The following CDK13 variants were observed in gnomAD, a reference collection of about 807,000 sequenced individuals.
The protein encoded by CDK13 is cyclin-dependent kinase 13.
In CDK13, 40 loss-of-function variants were observed where a neutral mutation model predicts 137.6. The ratio of observed to expected loss-of-function variants is 0.29; its 90% confidence interval spans 0.23 to 0.38. The LOEUF (loss-of-function observed/expected upper bound fraction) is 0.38. Among genes scored for constraint, CDK13 ranks in the 10% least tolerant of loss-of-function variants. CDK13 has a pLI of 1.00. For synonymous variants in CDK13, 869 were observed against 760.1 expected, an observed-to-expected ratio of 1.14 and a Z score of -2.36; for missense variants, 1,704 against 1,951.8, an observed-to-expected ratio of 0.87 and a Z score of 2.39.
At position 39,996,983 on chromosome 7, in the gene CDK13, A is replaced by AAAG. The variant is rs1554326371; in HGVS notation, c.1872-509_1872-508insGAA. Among the ~76,000 whole-genome samples the AAAG allele has an allele frequency of 7.0e-4, 99 of 141,454 alleles. 5 individuals carry two copies. Among genetic ancestry groups the AAAG allele is most frequent in the African/African-American group, 2.9e-3 (97 of 33,552 alleles). The allele number at this position is 141,454 out of a possible 152,430, so 92.8% of individuals were successfully genotyped here. A position where few individuals can be genotyped will look rare whatever the true frequency, so the allele number is the denominator to read the frequency against. The stretch of plus-strand genomic sequence containing the variant: ...TCTCAAAAAAAAAAAAAAAGAAAAA[A>AAAG]AAAAAGAAAAATGCTTTGCAAAACT... On this transcript the variant is annotated intron_variant, in intron 2 of 13. Coordinates refer to ENST00000181839, the MANE Select transcript of CDK13 (RefSeq NM_003718.5).
At chr7:39,996,984 A>AG (rs1554326373) in intron 2 of CDK13, among the ~76,000 whole-genome samples, 1 of 138,352 alleles carries the variant, frequency 7.2e-6, no homozygotes, top group African/African-American at 3.4e-5. Context: ...AAAGAAAAAA[A>AG]AAAAGAAAAA....
At chr7:40,056,623 A>G (rs769302391) in intron 7 of CDK13, among the ~76,000 whole-genome samples, 2 of 152,246 alleles carry the variant, frequency 1.3e-5, no homozygotes, top group African/African-American at 4.8e-5. Flanking sequence ...GCACTTTGGA[A>G]AGTGGTTTGG....
intron 1 of CDK13, among the ~76,000 whole-genome samples, chr7:39,982,236 A>G (rs1198995815): frequency 4.7e-5 from 7 of 148,538 alleles, no homozygotes; most frequent in African/African-American, 7.5e-5. Context: ...TCATTGTTCA[A>G]TTCCCACTTA....
At chr7:40,066,242 A>G (rs1035352227) in intron 9 of CDK13, among the ~76,000 whole-genome samples, 49 of 152,230 alleles carry the variant, frequency 3.2e-4, no homozygotes, top group African/African-American at 1.2e-3. Flanking sequence ...TCTTTGATAA[A>G]TTATTACACA....
At chr7:40,000,251 C>G (rs2116321695) in intron 4 of CDK13, among the ~76,000 whole-genome samples, 1 of 152,268 alleles carries the variant, frequency 6.6e-6, no homozygotes, top group Non-Finnish European at 1.5e-5. Flanking sequence ...TGGCACATGC[C>G]TGTAAACCCA....
intron 9 of CDK13, among the ~76,000 whole-genome samples, chr7:40,073,855 G>A (rs1182317695): frequency 1.3e-5 from 2 of 150,224 alleles, no homozygotes; most frequent in Non-Finnish European, 3.0e-5. Flanking sequence ...CTCCTAAAGT[G>A]CTGGGATTAC....
At chr7:40,064,849 T>TG (rs1229858492) in intron 9 of CDK13, among the ~76,000 whole-genome samples, 1 of 150,984 alleles carries the variant, frequency 6.6e-6, no homozygotes, top group African/African-American at 2.4e-5. Context: ...TGGAGTGCAT[T>TG]GGGGCAGTCA....
At chr7:40,024,645 G>GGTTTTTTTT (rs1785202598) in intron 5 of CDK13, among the ~76,000 whole-genome samples, 2 of 50,264 alleles carry the variant, frequency 4.0e-5, no homozygotes, top group African/African-American at 1.7e-4. Context: ...GTAGCTCTGT[G>GGTTTTTTTT]TTTTTTTTTT....
In CDK13 at chr7:40,003,202, A is replaced by ACTCT. The variant is rs1334115140; in HGVS notation, c.2353+1172_2353+1173insTCTC. On this transcript the variant is annotated intron_variant, in intron 5 of 13. Transcript: ENST00000181839. The stretch of plus-strand genomic sequence containing the variant: ...CACACACACACACACACACACACAC[A>ACTCT]CACACTCTCTCTCTCTCTCTCTCTT... Among the ~76,000 whole-genome samples, 577 of 80,964 alleles carry ACTCT rather than the reference A, an allele frequency of 7.1e-3. 5 individuals carry two copies. Among genetic ancestry groups the ACTCT allele is most frequent in the African/African-American group, 0.018 (403 of 22,412 alleles). The allele number at this position is 80,964 out of a possible 152,430, so 53.1% of individuals were successfully genotyped here.
chr7:40,072,540 G>C (rs1306115167), intron 9 of CDK13: 1 of 152,178 alleles, frequency 6.6e-6, no homozygotes, highest in Non-Finnish European at 1.5e-5. Flanking sequence ...ATCATGTTAA[G>C]GTGCTGGTAG....
chr7:40,046,798 TCAA>T (rs1444344487), intron 6 of CDK13, among the ~76,000 whole-genome samples: 1 of 151,840 alleles, frequency 6.6e-6, no homozygotes, highest in African/African-American at 2.4e-5. Flanking sequence ...GGCCAGGAGT[TCAA>T]GACCAGCCTG....
At chr7:39,954,460 A>T (rs1787342625) in intron 1 of CDK13, among the ~76,000 whole-genome samples, 3 of 152,210 alleles carry the variant, frequency 2.0e-5, no homozygotes, top group African/African-American at 4.8e-5. Context: ...CCATGAAGGC[A>T]ACTGGGCTGT....
chr7:39,954,760 C>A (rs926697473), intron 1 of CDK13, among the ~76,000 whole-genome samples: 1 of 152,068 alleles, frequency 6.6e-6, no homozygotes, highest in Non-Finnish European at 1.5e-5. Context: ...GTATTGAAAT[C>A]GTGGTATGAA....
At chr7:40,022,081 G>A (rs1583999782) in intron 5 of CDK13, among the ~76,000 whole-genome samples, 1 of 152,186 alleles carries the variant, frequency 6.6e-6, no homozygotes, top group African/African-American at 2.4e-5. Context: ...GTGGCCTTAA[G>A]GCCTGAAATT....
At position 39,987,405 on chromosome 7, in the gene CDK13, A is replaced by G. The variant is rs188316300; in HGVS notation, c.1212-194A>G. Reference sequence around the variant, plus strand: ...GACCAGAGCGAGATCAGGGCAATCCATTTTGAAGAAAACTATGATCACCAA... The same window carrying G: ...GACCAGAGCGAGATCAGGGCAATCCGTTTTGAAGAAAACTATGATCACCAA... On this transcript the variant is annotated intron_variant, in intron 1 of 13. Transcript: ENST00000181839. 4.3e-4 allele frequency among the ~76,000 whole-genome samples: 66 copies of G among 152,320 alleles called. No homozygotes were observed. The East Asian group carries it at 0.012, about 29-fold the overall frequency.
intron 11 of CDK13, among the ~76,000 whole-genome samples, chr7:40,083,307 CAAAA>C (rs143379108): frequency 1.3e-5 from 1 of 79,900 alleles, no homozygotes; most frequent in Admixed American, 1.3e-4. Context: ...CCTGTCTTTA[CAAAA>C]AAAAAAAAAA....
At position 40,041,572 on chromosome 7, in the gene CDK13, A is replaced by C. The variant is rs374101350; in HGVS notation, c.2354-4264A>C. Among the ~76,000 whole-genome samples, 60 of 152,340 alleles carry C rather than the reference A, an allele frequency of 3.9e-4. 1 individual carries two copies. The South Asian group carries it at 0.012, about 30-fold the overall frequency. On this transcript the variant is annotated intron_variant, in intron 5 of 13. Transcript: ENST00000181839. ...TTAACTAGCCACATTTCAAGAGCTC[A>C]TTAGCCACATGTGGCTAGTGGCTAG...
intron 11 of CDK13, 132 bp downstream of exon 11, chr7:40,078,983 ACAG>A (rs956844745): frequency 1.3e-4 from 33 of 261,580 alleles, no homozygotes; most frequent in East Asian, 9.2e-4. Flanking sequence ...GAAAGATAAA[ACAG>A]CAGTAATACA....
Position 39,951,709 on chromosome 7 carries a change from G to T in CDK13, c.1068G>T (p.Pro356=). The T allele has an allele frequency of 1.4e-6, 2 of 1,471,564 alleles. No homozygotes were observed. The highest frequency in any genetic ancestry group is 2.1e-4 in the Middle Eastern group (1 of 4,866). The allele number at this position is 1,471,564 out of a possible 1,614,324, so 91.2% of individuals were successfully genotyped here. The change falls in exon 1 of 14, where the codon CCG becomes CCT. Residue 356 remains proline (P), a synonymous_variant. Coordinates refer to ENST00000181839, the MANE Select transcript of CDK13 (RefSeq NM_003718.5). ...GCAGCCCCTATTCTCGGCGGCTGCC[G>T]CGCTCCCCGAGCCCCTACAGTCGCC... The part of the protein sequence containing the change: ...GGSSPYSRRL[P]RSPSPYSRRR...
Sources: allele counts gnomAD v4.1 joint callset (sites outside exome capture counted in the v4.1 genomes callset), GRCh38; gene constraint gnomAD v4.1.1; transcripts MANE v1.5; gene names NCBI Gene and HGNC (gene_info 2026-07-23, HGNC 2026-07-21).